The following FMNL2 variants were observed in gnomAD, a reference collection of about 807,000 sequenced individuals.
FMNL2 encodes the protein formin-like protein 2.
A neutral mutation model predicts 130.2 loss-of-function variants in FMNL2; 51 were observed. The ratio of observed to expected loss-of-function variants is 0.39; its 90% CI spans 0.31 to 0.49. FMNL2 has a LOEUF of 0.49. FMNL2 is among the 20% of genes least tolerant of loss of function. FMNL2 has a pLI of 0.85. For synonymous variants in FMNL2, 465 were observed against 467.1 expected (o/e 1.00, Z 0.06); for missense variants, 977 against 1,316.2 (o/e 0.74, Z 3.99).
At chr2:152,396,886 C>T (rs1425749105) in intron 1 of FMNL2, among the ~76,000 whole-genome samples, 1 of 152,130 alleles carries the variant, frequency 6.6e-6, no homozygotes, top group African/African-American at 2.4e-5. Flanking sequence ...CTCCTTCACC[C>T]CTCATCATTA....
At chr2:152,602,488 G>A (rs1365491543) in intron 9 of FMNL2, among the ~76,000 whole-genome samples, 2 of 152,044 alleles carry the variant, frequency 1.3e-5, no homozygotes, top group Non-Finnish European at 2.9e-5. Context: ...CGCTCTGCTC[G>A]GCTCAGTTTT....
rs144026254 is a variant in FMNL2, at chr2:152,438,091, G to C, written c.118-83852G>C. On this transcript the variant is annotated intron_variant, in intron 1 of 25. Coordinates refer to ENST00000288670, the MANE Select transcript of FMNL2 (RefSeq NM_052905.4). ...TGTCTTATTCCAAAATGATGAGGCA[G>C]AATGCCCAAATGTTAGCATTTGACA... Among the ~76,000 whole-genome samples the C allele has an allele frequency of 5.5e-3, 840 of 152,328 alleles. 8 individuals carry two copies. The highest frequency in any genetic ancestry group is 9.0e-3 in the Non-Finnish European group (609 of 68,024).
At chr2:152,626,480 T>C (rs1321175046) in intron 16 of FMNL2, 45 bp from the exon 17 acceptor site, 1 of 1,515,012 alleles carries the variant, frequency 6.6e-7, no homozygotes, top group Non-Finnish European at 8.9e-7. Flanking sequence ...GGACTTCATT[T>C]TTAAATATAA....
chr2:152,517,964 C>T lies in FMNL2; in HGVS notation c.118-3979C>T, dbSNP rs114834346. On this transcript the variant is annotated intron_variant, in intron 1 of 25. Transcript: ENST00000288670. ...GAGTTGTCACCGTGTTAGGAAGACT[C>T]GGAAATTGATTGATATTTTCAGCCA... is the stretch of plus-strand genomic sequence containing the variant. Among the ~76,000 whole-genome samples, 920 of 152,214 alleles carry T rather than the reference C, an allele frequency of 6.0e-3. 8 individuals carry two copies. Among genetic ancestry groups the T allele is most frequent in the African/African-American group, 0.021 (876 of 41,520 alleles).
At chr2:152,583,758 G>A (rs965835514) in intron 9 of FMNL2, among the ~76,000 whole-genome samples, 1 of 152,044 alleles carries the variant, frequency 6.6e-6, no homozygotes, top group Non-Finnish European at 1.5e-5. Context: ...TGTTTTTCAG[G>A]GTCTTATCAG....
chr2:152,512,249 C>A (rs1233570331), intron 1 of FMNL2, among the ~76,000 whole-genome samples: 1 of 152,116 alleles, frequency 6.6e-6, no homozygotes, highest in African/African-American at 2.4e-5. Context: ...AGACAGCAGA[C>A]CTCTAATGAA....
At chr2:152,534,179 A>T (rs146712157) in intron 2 of FMNL2, among the ~76,000 whole-genome samples, 1 of 152,264 alleles carries the variant, frequency 6.6e-6, no homozygotes, top group African/African-American at 2.4e-5. Flanking sequence ...TCTTATTTTC[A>T]ATTATTATGT....
intron 7 of FMNL2, 169 bp from the exon 8 acceptor site, chr2:152,578,719 A>T (rs868776096): frequency 2.1e-6 from 1 of 477,342 alleles, no homozygotes. Context: ...GAAATTTTTA[A>T]TAGAGAAATA....
At chr2:152,427,708 C>A (rs900879467) in intron 1 of FMNL2, among the ~76,000 whole-genome samples, 1 of 152,072 alleles carries the variant, frequency 6.6e-6, no homozygotes, top group East Asian at 1.9e-4. Flanking sequence ...GACAAGACTT[C>A]CTCCTCTTCA....
intron 9 of FMNL2, among the ~76,000 whole-genome samples, chr2:152,593,035 G>T (rs978408181): frequency 6.6e-6 from 1 of 152,158 alleles, no homozygotes; most frequent in Non-Finnish European, 1.5e-5. Flanking sequence ...GAAGGGAAGA[G>T]ACCTGATTTG....
At chr2:152,573,652 T>C (rs1696306912) in intron 6 of FMNL2, among the ~76,000 whole-genome samples, 1 of 152,222 alleles carries the variant, frequency 6.6e-6, no homozygotes, top group South Asian at 2.1e-4. Context: ...ATAATGTTAT[T>C]ATTTTAGACA....
At chr2:152,540,992 A>G (rs1200965416) in intron 2 of FMNL2, among the ~76,000 whole-genome samples, 2 of 152,220 alleles carry the variant, frequency 1.3e-5, no homozygotes, top group Admixed American at 1.3e-4. Context: ...TATGGGATAA[A>G]CAAATGCATG....
intron 1 of FMNL2, among the ~76,000 whole-genome samples, chr2:152,473,289 C>A (rs111484624): frequency 6.6e-6 from 1 of 152,110 alleles, no homozygotes; most frequent in East Asian, 1.9e-4. Context: ...CTGCAGCCTC[C>A]AACTCCTGGG....
At chr2:152,593,896 TGTGTGTGAGAGAGA>T (rs1558992082) in intron 9 of FMNL2, among the ~76,000 whole-genome samples, 6 of 103,780 alleles carry the variant, frequency 5.8e-5, no homozygotes, top group Non-Finnish European at 1.2e-4. Context: ...TGTGTGTGTG[TGTGTGTGAGAGAGA>T]GAGAGAGAGA....
chr2:152,366,764 A>C (rs1047889479), intron 1 of FMNL2, among the ~76,000 whole-genome samples: 1 of 152,148 alleles, frequency 6.6e-6, no homozygotes, highest in Non-Finnish European at 1.5e-5. Context: ...CCAGGAGTAC[A>C]AGACCAGCCT....
rs1560284507 is a variant in FMNL2 at position 152,347,104 on chromosome 2, T to TAAA, written c.117+11384_117+11385insAAA. Among the ~76,000 whole-genome samples, 123 of 75,746 alleles carry TAAA rather than the reference T, an allele frequency of 1.6e-3. 1 individual carries two copies. The Middle Eastern group carries it at 0.025, about 16-fold the overall frequency. The allele number at this position is 75,746 out of a possible 152,430, so 49.7% of individuals were successfully genotyped here. ...ATATTCCGTCTCAAAAAAAAAAAATTTTTTTTTCACAAACCAGACACAGTT... is the reference window on the plus strand; with the variant it reads ...ATATTCCGTCTCAAAAAAAAAAAATTAAATTTTTTTCACAAACCAGACACAGTT... On this transcript the variant is annotated intron_variant, in intron 1 of 25. Transcript: ENST00000288670.
At chr2:152,611,373 A>G (rs556304644) in intron 10 of FMNL2, 122 bp from the exon 11 acceptor site, 6 of 586,872 alleles carry the variant, frequency 1.0e-5, no homozygotes, top group South Asian at 4.7e-5. Flanking sequence ...TAAAGAACCA[A>G]TGAAATGAAG....
Position 152,510,679 on chromosome 2 carries a change from C to T in FMNL2, c.118-11264C>T, listed in dbSNP as rs138225451. Among the ~76,000 whole-genome samples, 87 of 152,276 alleles carry T rather than the reference C, an allele frequency of 5.7e-4. No individual in the cohort carries two copies. The East Asian group carries it at 0.014, about 24-fold the overall frequency. On this transcript the variant is annotated intron_variant, in intron 1 of 25. Coordinates refer to ENST00000288670, the MANE Select transcript of FMNL2 (RefSeq NM_052905.4). ...TACTTCATGGTCTTTTCCGCTACCA[C>T]GAGGGGTGAGAGCCAAAAGCTAAGT... is the stretch of plus-strand genomic sequence containing the variant.
intron 1 of FMNL2, among the ~76,000 whole-genome samples, chr2:152,506,699 G>T (rs1692191874): frequency 6.6e-6 from 1 of 152,046 alleles, no homozygotes; most frequent in African/African-American, 2.4e-5. Context: ...AGCATCTTTA[G>T]TGTCTCAAAA....
Sources: allele counts gnomAD v4.1 joint callset (sites outside exome capture counted in the v4.1 genomes callset), GRCh38; gene constraint gnomAD v4.1.1; transcripts MANE v1.5; gene names NCBI Gene and HGNC (gene_info 2026-07-23, HGNC 2026-07-21).